Variants in LIN54 observed in about 807,000 individuals in gnomAD.
LIN54 encodes protein lin-54 homolog.
Under a neutral mutation model 78.7 loss-of-function variants are expected in LIN54, and 9 were observed. The observed-to-expected ratio is 0.11, with a 90% confidence interval of 0.07 to 0.20. The LOEUF is 0.20. Among genes scored for constraint, LIN54 ranks in the 10% least tolerant of loss-of-function variants. The probability of loss-of-function intolerance (pLI) is 1.00; values close to 1 mark genes in which losing one functional copy is unlikely to be tolerated. For missense variants in LIN54, 573 were observed against 889.9 expected (o/e 0.64, Z 4.53); for synonymous variants, 269 against 318.4 (o/e 0.84, Z 1.65).
At chr4:82,935,259 CATATATAT>C (rs752988636) in intron 11 of LIN54, among the ~76,000 whole-genome samples, 2 of 145,752 alleles carry the variant, frequency 1.4e-5, no homozygotes, top group Admixed American at 6.9e-5. Flanking sequence ...ATTTTGTATC[CATATATAT>C]ATATATATTT....
Position 82,939,434 on chromosome 4 carries a change from T to G in LIN54, c.1440+105A>C, listed in dbSNP as rs150989220. 358 of 968,268 alleles carry G rather than the reference T, an allele frequency of 3.7e-4. No homozygotes were observed. In the African/African-American group the frequency reaches 5.2e-3, roughly 14 times the overall value. The allele number at this position is 968,268 out of a possible 1,614,324, so 60.0% of individuals were successfully genotyped here. A position where few individuals can be genotyped will look rare whatever the true frequency, so the allele number is the denominator to read the frequency against. On this transcript the variant is annotated intron_variant, in intron 7 of 12. Coordinates refer to ENST00000340417, the MANE Select transcript of LIN54 (RefSeq NM_194282.4). ...ATTTTAAGATTTTGGAAAGTGCCAC[T>G]TCAATACTGAGTTAGATGTGTTTGA...
At chr4:83,001,319 A>G (rs921704144) in intron 1 of LIN54, among the ~76,000 whole-genome samples, 4 of 144,224 alleles carry the variant, frequency 2.8e-5, no homozygotes, top group Admixed American at 2.1e-4. Flanking sequence ...TGGGAGGCCA[A>G]GGTGAGGGGA....
At chr4:82,931,636 A>T (rs745571324) in intron 11 of LIN54, among the ~76,000 whole-genome samples, 3 of 152,174 alleles carry the variant, frequency 2.0e-5, no homozygotes, top group African/African-American at 7.2e-5. Context: ...GGGACTTCAG[A>T]TTCCCCAAAC....
At chr4:82,962,446 G>A (rs545647595) in intron 4 of LIN54, among the ~76,000 whole-genome samples, 3 of 152,084 alleles carry the variant, frequency 2.0e-5, no homozygotes, top group South Asian at 2.1e-4. Flanking sequence ...AAATCCAGAC[G>A]GACATTCTAG....
At chr4:82,940,561 TTTTG>T (rs1412336702) in intron 5 of LIN54, among the ~76,000 whole-genome samples, 1 of 152,120 alleles carries the variant, frequency 6.6e-6, no homozygotes, top group Non-Finnish European at 1.5e-5. Context: ...CCCAGCTAAT[TTTTG>T]TATTTTTAGT....
chr4:82,977,027 G>A (rs1726218089), intron 3 of LIN54, among the ~76,000 whole-genome samples: 2 of 152,206 alleles, frequency 1.3e-5, no homozygotes, highest in South Asian at 4.1e-4. Context: ...CAAAGACCAA[G>A]CAATGACATT....
rs77748816 is a variant in LIN54, at chr4:82,935,071, C to T, written c.1845+910G>A. On this transcript the variant is annotated intron_variant, in intron 11 of 12. Coordinates refer to ENST00000340417, the MANE Select transcript of LIN54 (RefSeq NM_194282.4). Reference sequence around the variant, plus strand: ...AGTGAAAATGGAGACAATTGCCTACCGTGACCAGTAACCTCATCCAGCAGA... The same window carrying T: ...AGTGAAAATGGAGACAATTGCCTACTGTGACCAGTAACCTCATCCAGCAGA... Among the ~76,000 whole-genome samples, 741 of 152,082 alleles carry T rather than the reference C, an allele frequency of 4.9e-3. 54 individuals carry two copies. The East Asian group carries it at 0.13, about 26-fold the overall frequency.
At chr4:82,951,918 G>A (rs771985282) in intron 4 of LIN54, among the ~76,000 whole-genome samples, 1 of 152,112 alleles carries the variant, frequency 6.6e-6, no homozygotes, top group Non-Finnish European at 1.5e-5. Flanking sequence ...CTGAATATCC[G>A]TGTGCAAAAC....
intron 1 of LIN54, among the ~76,000 whole-genome samples, chr4:83,000,827 C>CTTTTTTTCTTTCTTTT (rs528409899): frequency 1.7e-5 from 2 of 120,540 alleles, no homozygotes; most frequent in African/African-American, 6.5e-5. Flanking sequence ...GCAATAAATT[C>CTTTTTTTCTTTCTTTT]TTTTTTTTTT....
At chr4:82,973,159 T>G (rs771971470) in intron 3 of LIN54, among the ~76,000 whole-genome samples, 3 of 152,238 alleles carry the variant, frequency 2.0e-5, no homozygotes, top group Non-Finnish European at 2.9e-5. Context: ...CTATACTAAC[T>G]CTTAAGATGA....
At chr4:82,988,524 G>A (rs1229247196) in intron 1 of LIN54, among the ~76,000 whole-genome samples, 10 of 152,096 alleles carry the variant, frequency 6.6e-5, no homozygotes, top group Admixed American at 5.2e-4. Flanking sequence ...CAGAAAATAC[G>A]TTTTTCATTT....
Position 82,936,072 on chromosome 4 carries a change from T to C in LIN54, c.1754A>G (p.Lys585Arg). 1 of 1,614,056 alleles carries C rather than the reference T, an allele frequency of 6.2e-7. No homozygotes were observed. The highest frequency in any genetic ancestry group is 1.1e-5 in the South Asian group (1 of 91,086). ...TCGATCAGATTCTCCCTCCTTTCCT[T>C]TCCCTATCTTAGGCTTAAAGGCTTC... ...NPEAFKPKIG[K>R]GKEGESDRRH... The change falls in exon 11 of 13, where the codon AAA (lysine) becomes AGA (arginine). Residue 585 changes from lysine (K) to arginine (R), a missense_variant. Lys to Arg is a conservative substitution (Grantham distance 26). This residue lies in a region of LIN54 where 101 missense variants were observed against 194.2 expected (regional missense o/e 0.52). Transcript: ENST00000340417.
intron 1 of LIN54, among the ~76,000 whole-genome samples, chr4:82,994,571 T>C (rs1172270704): frequency 6.6e-6 from 1 of 152,060 alleles, no homozygotes; most frequent in Non-Finnish European, 1.5e-5. Context: ...TTAATTTTTT[T>C]GTATTTTTAG....
rs540761818 is a variant in LIN54, at chr4:82,980,770, G to A, written c.685-1764C>T. ...TCTATAATATTAACAATCTCTAGAG[G>A]TAGAAGTATTAATATTCTTAGAAAG... On this transcript the variant is annotated intron_variant, in intron 2 of 12. Transcript: ENST00000340417. Among the ~76,000 whole-genome samples, 108 of 152,080 alleles carry A rather than the reference G, an allele frequency of 7.1e-4. 2 individuals carry two copies. The South Asian group carries it at 0.022, about 31-fold the overall frequency.
At chr4:82,928,340 G>A (rs371233490) in intron 12 of LIN54, 37 bp from the exon 13 acceptor site, 15 of 1,503,508 alleles carry the variant, frequency 1.0e-5, no homozygotes, top group Middle Eastern at 1.7e-4. Context: ...TGATGGTGGT[G>A]TTAAATAACA....
At chr4:82,963,363 AT>A (rs1724957267) in intron 4 of LIN54, among the ~76,000 whole-genome samples, 1 of 152,182 alleles carries the variant, frequency 6.6e-6, no homozygotes, top group African/African-American at 2.4e-5. Context: ...TTAGAGATGA[AT>A]TCGACACCAG....
intron 1 of LIN54, among the ~76,000 whole-genome samples, chr4:82,993,340 C>G (rs1057471799): frequency 2.6e-5 from 4 of 151,388 alleles, no homozygotes; most frequent in Non-Finnish European, 4.4e-5. Flanking sequence ...CCTCAGCCTC[C>G]CAAGTAGCTG....
chr4:82,930,754 G>A (rs571207972), intron 12 of LIN54, among the ~76,000 whole-genome samples, 189 bp downstream of exon 12: 2 of 152,130 alleles, frequency 1.3e-5, no homozygotes, highest in South Asian at 4.1e-4. Context: ...GTGCATTTTC[G>A]AACTGCACAA....
At chr4:82,959,836 T>G (rs904632209) in intron 4 of LIN54, among the ~76,000 whole-genome samples, 2 of 152,180 alleles carry the variant, frequency 1.3e-5, no homozygotes, top group African/African-American at 4.8e-5. Flanking sequence ...ATTTTTATTG[T>G]AATAATATAT....
Sources: allele counts gnomAD v4.1 joint callset (sites outside exome capture counted in the v4.1 genomes callset), GRCh38; gene constraint gnomAD v4.1.1; regional missense constraint gnomAD v4.1.1; transcripts MANE v1.5; gene names NCBI Gene and HGNC (gene_info 2026-07-23, HGNC 2026-07-21).